TMEM17: variants seen among roughly 807,000 people sequenced by gnomAD.
TMEM17 encodes transmembrane protein 17.
Under a neutral mutation model 19.1 loss-of-function variants are expected in TMEM17, and 15 were observed. That is an observed-to-expected ratio of 0.78 (90% CI 0.52 to 1.21). The LOEUF (loss-of-function observed/expected upper bound fraction) is 1.21. TMEM17 is among the 50% of genes most tolerant of loss of function. The pLI is 0.00. For missense variants in TMEM17, 245 were observed against 242.3 expected (o/e 1.01, Z -0.07); for synonymous variants, 103 against 86.9 (o/e 1.19, Z -1.03).
the TMEM17 span, among the ~76,000 whole-genome samples, chr2:62,490,262 T>TA: frequency 0.067 from 10,171 of 151,978 alleles, 865 homozygotes; most frequent in African/African-American, 0.2. Context: ...GATGCATGTG[T>TA]GTATTATTAT....
downstream of TMEM17, among the ~76,000 whole-genome samples, chr2:62,496,460 A>G (rs1287633788): frequency 1.3e-5 from 2 of 152,256 alleles, no homozygotes; most frequent in East Asian, 3.8e-4. Context: ...TACTTGATGA[A>G]ATAACACACA....
rs1239434272 is a variant in TMEM17 at position 62,502,516 on chromosome 2, A to G, written c.239T>C (p.Val80Ala). 1 of 1,612,454 alleles carries G rather than the reference A, an allele frequency of 6.2e-7. No individual in the cohort carries two copies. The highest frequency in any genetic ancestry group is 8.5e-7 in the Non-Finnish European group (1 of 1,179,004). The change falls in exon 3 of 4, where the codon GTG (valine) becomes GCG (alanine). Residue 80 changes from valine to alanine, a missense_variant. Coordinates refer to ENST00000335390, the MANE Select transcript of TMEM17 (RefSeq NM_198276.3). ...GGTTATTAGGATGATAACAGTGATC[A>G]CAATGAATTTGTAGTAGTCAGGTAA... Reference protein sequence around the residue: ...SILPDYYKFIVITVIILITLI... With the variant: ...SILPDYYKFIAITVIILITLI...
chr2:62,481,347 T>C, the TMEM17 span, among the ~76,000 whole-genome samples: 2 of 152,220 alleles, frequency 1.3e-5, no homozygotes, highest in African/African-American at 4.8e-5. Context: ...TGGCAGAGTC[T>C]ACAGGTTTTT....
At chr2:62,477,329 G>A in the TMEM17 span, among the ~76,000 whole-genome samples, 7 of 152,268 alleles carry the variant, frequency 4.6e-5, no homozygotes, top group East Asian at 9.7e-4. Context: ...CCCAGGAGGC[G>A]GAGGTTGCAG....
chr2:62,468,059 G>A, the TMEM17 span, among the ~76,000 whole-genome samples: 1 of 152,154 alleles, frequency 6.6e-6, no homozygotes, highest in Admixed American at 6.5e-5. Flanking sequence ...TGGTATAACA[G>A]TAGCCCCAGA....
the TMEM17 span, among the ~76,000 whole-genome samples, chr2:62,458,978 C>T: frequency 6.6e-6 from 1 of 152,224 alleles, no homozygotes; most frequent in Non-Finnish European, 1.5e-5. Flanking sequence ...ATGAATAAAG[C>T]TGCTAGGAAC....
chr2:62,466,977 T>A, the TMEM17 span, among the ~76,000 whole-genome samples: 95 of 152,304 alleles, frequency 6.2e-4, no homozygotes, highest in African/African-American at 1.6e-3. Context: ...CATTCCATTT[T>A]ATTTAATTTA....
At chr2:62,492,903 G>A in the TMEM17 span, among the ~76,000 whole-genome samples, 1 of 152,216 alleles carries the variant, frequency 6.6e-6, no homozygotes, top group Non-Finnish European at 1.5e-5. Context: ...CCAGAATGGT[G>A]CATGGGAAGA....
At chr2:62,501,513 T>C (rs372619815) in intron 3 of TMEM17, 26 bp from the exon 4 acceptor site, 5 of 1,586,062 alleles carry the variant, frequency 3.2e-6, no homozygotes, top group Non-Finnish European at 8.6e-7. Context: ...TCAAGAGTAA[T>C]AAAAATCAGT....
chr2:62,501,526 A>T, intron 3 of TMEM17, 39 bp from the exon 4 acceptor site: 4 of 1,576,382 alleles, frequency 2.5e-6, no homozygotes, highest in Non-Finnish European at 3.4e-6. Flanking sequence ...AAATCAGTAA[A>T]ATACAGTTTC....
At chr2:62,459,882 C>T in the TMEM17 span, among the ~76,000 whole-genome samples, 1 of 152,260 alleles carries the variant, frequency 6.6e-6, no homozygotes, top group Non-Finnish European at 1.5e-5. Context: ...AGCTGATCCT[C>T]CCACCTTGGC....
the TMEM17 span, among the ~76,000 whole-genome samples, chr2:62,456,216 C>G: frequency 7.3e-4 from 111 of 152,362 alleles, no homozygotes; most frequent in African/African-American, 2.6e-3. Flanking sequence ...CACATTTATT[C>G]TCTTTCAGTT....
chr2:62,491,711 A>G, the TMEM17 span, among the ~76,000 whole-genome samples: 2 of 152,226 alleles, frequency 1.3e-5, no homozygotes. Flanking sequence ...AATACCTTAG[A>G]GGAGTAAATA....
the TMEM17 span, among the ~76,000 whole-genome samples, chr2:62,465,065 C>T: frequency 2.0e-5 from 3 of 152,280 alleles, no homozygotes; most frequent in African/African-American, 7.2e-5. Flanking sequence ...GTTAGTCCTA[C>T]AAGGGCAGTC....
At chr2:62,494,876 C>T in the TMEM17 span, among the ~76,000 whole-genome samples, 1 of 152,066 alleles carries the variant, frequency 6.6e-6, no homozygotes, top group Non-Finnish European at 1.5e-5. Context: ...ATTAACCGGG[C>T]ATGGTGGCAG....
At chr2:62,499,829 A>T (rs1679874168), downstream of TMEM17, among the ~76,000 whole-genome samples, 1 of 152,342 alleles carries the variant, frequency 6.6e-6, no homozygotes, top group South Asian at 2.1e-4. Flanking sequence ...ATCCATTAAG[A>T]CAGTCCAACA....
At chr2:62,487,207 A>G in the TMEM17 span, among the ~76,000 whole-genome samples, 4 of 152,328 alleles carry the variant, frequency 2.6e-5, no homozygotes, top group African/African-American at 9.6e-5. Flanking sequence ...TGGAGGCTCA[A>G]GGAGAATCCA....
At chr2:62,501,612 G>C in intron 3 of TMEM17, 125 bp from the exon 4 acceptor site, 3 of 923,022 alleles carry the variant, frequency 3.3e-6, no homozygotes, top group Non-Finnish European at 4.8e-6. Flanking sequence ...TCCAAAGGAG[G>C]ATGACATGGT....
In TMEM17 at chr2:62,506,098, A is replaced by C. The variant is rs767442879; in HGVS notation, c.32T>G (p.Leu11Arg). The C allele has an allele frequency of 6.2e-7, 1 of 1,610,604 alleles. No homozygotes were observed. Among genetic ancestry groups the C allele is most frequent in the African/African-American group, 1.3e-5 (1 of 74,452 alleles). ...GAACACGGCCCGGCTGAAGTTTCCC[A>C]GCCGCTGGCGCACCGGATCCGGCAG... MELPDPVRQR[L>R]GNFSRAVFSD... is the part of the protein sequence containing the mutation. The change falls in exon 1 of 4, where the codon CTG (leucine) becomes CGG (arginine). Residue 11 changes from leucine to arginine, a missense_variant. Transcript: ENST00000335390.
Sources: allele counts gnomAD v4.1 joint callset (sites outside exome capture counted in the v4.1 genomes callset), GRCh38; gene constraint gnomAD v4.1.1; transcripts MANE v1.5; gene names NCBI Gene and HGNC (gene_info 2026-07-23, HGNC 2026-07-21).